The following SCARA3 variants were observed in gnomAD, a reference collection of about 807,000 sequenced individuals.
SCARA3 encodes scavenger receptor class A member 3.
In SCARA3, 39 loss-of-function variants were observed where a neutral mutation model predicts 47.0. That is an observed-to-expected ratio of 0.83 (90% CI 0.64 to 1.08). The LOEUF (loss-of-function observed/expected upper bound fraction) is 1.08. Among genes scored for constraint, SCARA3 ranks in the 50% least tolerant of loss-of-function variants. SCARA3 has a pLI of 0.00. For synonymous variants in SCARA3, 356 were observed against 334.1 expected, an observed-to-expected ratio of 1.07 and a Z score of -0.71; for missense variants, 724 against 792.3, an observed-to-expected ratio of 0.91 and a Z score of 1.04.
the SCARA3 span, chr8:27,697,263 A>G: frequency 6.3e-5 from 14 of 221,202 alleles, no homozygotes; most frequent in Admixed American, 4.1e-4. Context: ...GCATGATGAC[A>G]TCGTTCTCCA....
At chr8:27,721,977 T>C in the SCARA3 span, among the ~76,000 whole-genome samples, 1 of 152,150 alleles carries the variant, frequency 6.6e-6, no homozygotes. Context: ...TGGTCCCAGC[T>C]ACTCAAGAAG....
At chr8:27,677,598 A>G (rs114370381), downstream of SCARA3, among the ~76,000 whole-genome samples, 1,083 of 152,338 alleles carry the variant, frequency 7.1e-3, 25 homozygotes, top group African/African-American at 0.025. Flanking sequence ...GACTACAGTA[A>G]CAAAGCTAAA....
chr8:27,673,542 G>A (rs956529973), downstream of SCARA3, among the ~76,000 whole-genome samples: 10 of 152,122 alleles, frequency 6.6e-5, no homozygotes, highest in Non-Finnish European at 1.5e-4. Flanking sequence ...GGGTTTTTTT[G>A]GAGTTTTTTT....
the SCARA3 span, among the ~76,000 whole-genome samples, chr8:27,708,596 AAAAG>A: frequency 6.6e-6 from 1 of 152,180 alleles, no homozygotes; most frequent in Non-Finnish European, 1.5e-5. Context: ...GATAACTACC[AAAAG>A]AAAGGGTGAA....
rs1247224351 is a variant in SCARA3 at position 27,671,741 on chromosome 8, C to T, written c.*390C>T. ...ATACACATGCACACACACATGCACA[C>T]ATATATGCACAGGCACACACATGTA... is the stretch of plus-strand genomic sequence containing the variant. On this transcript the variant is annotated 3_prime_UTR_variant, in exon 6 of 6. Transcript: ENST00000301904. The T allele has an allele frequency of 9.8e-7, 1 of 1,023,564 alleles. No homozygotes were observed. The highest frequency in any genetic ancestry group is 1.7e-5 in the African/African-American group (1 of 58,706). The allele number at this position is 1,023,564 out of a possible 1,614,324, so 63.4% of individuals were successfully genotyped here.
chr8:27,671,728 A>G lies in SCARA3; in HGVS notation c.*377A>G, dbSNP rs1196207934. On this transcript the variant is annotated 3_prime_UTR_variant, in exon 6 of 6. Transcript: ENST00000301904. ...CATGCATGCACACATACACATGCAC[A>G]CACACATGCACACATATATGCACAG... The G allele has an allele frequency of 3.9e-6, 4 of 1,036,754 alleles. No homozygotes were observed. The highest frequency in any genetic ancestry group is 4.6e-6 in the Non-Finnish European group (4 of 863,566). 64.2% of individuals were successfully genotyped at this position (1,036,754 alleles called of 1,614,324 possible). A position where few individuals can be genotyped will look rare whatever the true frequency, so the allele number is the denominator to read the frequency against.
chr8:27,634,543 T>G (rs960515340), intron 1 of SCARA3, among the ~76,000 whole-genome samples: 3 of 152,150 alleles, frequency 2.0e-5, no homozygotes, highest in African/African-American at 7.2e-5. Context: ...AGCCCAACTT[T>G]CCAGCAGTGT....
intron 5 of SCARA3, among the ~76,000 whole-genome samples, chr8:27,663,617 C>T (rs1360393293): frequency 1.8e-4 from 27 of 152,212 alleles, no homozygotes; most frequent in Admixed American, 1.8e-3. Flanking sequence ...AGTGTTTAGT[C>T]TCCACCAAGG....
chr8:27,723,613 C>T, the SCARA3 span, among the ~76,000 whole-genome samples: 8 of 152,222 alleles, frequency 5.3e-5, no homozygotes, highest in African/African-American at 9.6e-5. Context: ...CAACTCCTAG[C>T]TTCCTGGCCC....
At chr8:27,717,108 AC>A in the SCARA3 span, among the ~76,000 whole-genome samples, 1,089 of 152,308 alleles carry the variant, frequency 7.1e-3, 4 homozygotes, top group Non-Finnish European at 0.012. Flanking sequence ...AGTGAAAGAG[AC>A]TAGAGAAATG....
the SCARA3 span, among the ~76,000 whole-genome samples, chr8:27,711,846 C>T: frequency 6.6e-6 from 1 of 152,092 alleles, no homozygotes; most frequent in Admixed American, 6.5e-5. Flanking sequence ...CACAGCTTCC[C>T]CTATTATTAA....
the SCARA3 span, among the ~76,000 whole-genome samples, chr8:27,714,485 G>T: frequency 6.6e-6 from 1 of 152,050 alleles, no homozygotes; most frequent in Non-Finnish European, 1.5e-5. Context: ...GAGCCACCAC[G>T]CCGGGCCTCA....
chr8:27,669,515 G>A (rs1218650687), intron 5 of SCARA3, among the ~76,000 whole-genome samples: 1 of 152,230 alleles, frequency 6.6e-6, no homozygotes, highest in Non-Finnish European at 1.5e-5. Context: ...GCAGGCCAAG[G>A]GCATCTCCTG....
chr8:27,693,240 T>C, the SCARA3 span, among the ~76,000 whole-genome samples: 1 of 152,206 alleles, frequency 6.6e-6, no homozygotes. Context: ...ACACCTTATA[T>C]GTATTGATTA....
chr8:27,649,760 T>A lies in SCARA3; in HGVS notation c.66T>A (p.Gly22=). The change falls in exon 2 of 6, where the codon GGT becomes GGA. Residue 22 remains glycine, a synonymous_variant. Coordinates refer to ENST00000301904, the MANE Select transcript of SCARA3 (RefSeq NM_016240.3). The part of the protein sequence containing the change: ...ALCVTEEDLA[G]DDEDMPTFPC... ...GCGTTACAGAAGAGGACCTGGCGGG[T>A]GACGACGAGGACATGCCGACCTTCC... 6.2e-7 allele frequency: 1 copy of A among 1,613,858 alleles called. No individual in the cohort carries two copies. Among genetic ancestry groups the A allele is most frequent in the Non-Finnish European group, 8.5e-7 (1 of 1,179,912 alleles).
chr8:27,733,945 C>T, the SCARA3 span: 3 of 152,188 alleles, frequency 2.0e-5, no homozygotes, highest in African/African-American at 7.2e-5. Context: ...GTGTGTATGG[C>T]TCACACCATC....
the SCARA3 span, among the ~76,000 whole-genome samples, chr8:27,683,242 T>G: frequency 4.6e-5 from 7 of 152,030 alleles, no homozygotes; most frequent in Non-Finnish European, 5.9e-5. Flanking sequence ...AAAACCAATA[T>G]AGCGTGGTAG....
the SCARA3 span, among the ~76,000 whole-genome samples, chr8:27,729,695 G>A: frequency 6.6e-6 from 1 of 152,128 alleles, no homozygotes; most frequent in Non-Finnish European, 1.5e-5. Flanking sequence ...GGAGCCTGAG[G>A]CAGGAGAATC....
At chr8:27,638,503 G>T (rs1563399003) in intron 1 of SCARA3, among the ~76,000 whole-genome samples, 1 of 152,126 alleles carries the variant, frequency 6.6e-6, no homozygotes, top group Non-Finnish European at 1.5e-5. Context: ...TGACAGTGGG[G>T]TCTCTGTCTG....
Sources: allele counts gnomAD v4.1 joint callset (sites outside exome capture counted in the v4.1 genomes callset), GRCh38; gene constraint gnomAD v4.1.1; transcripts MANE v1.5; gene names NCBI Gene and HGNC (gene_info 2026-07-23, HGNC 2026-07-21).